NAALADL2: variants seen among roughly 807,000 people sequenced by gnomAD.
The protein encoded by NAALADL2 is N-acetylated alpha-linked acidic dipeptidase like 2.
In NAALADL2, 76 loss-of-function variants were observed where a neutral mutation model predicts 87.2. The ratio of observed to expected loss-of-function variants is 0.87; its 90% CI spans 0.72 to 1.05. The LOEUF (loss-of-function observed/expected upper bound fraction) is 1.05, where lower values mean the gene tolerates loss of function less well. NAALADL2 is among the 50% of genes least tolerant of loss of function. NAALADL2 has a pLI of 0.00. For missense variants in NAALADL2, 1,089 were observed against 945.8 expected (o/e 1.15, Z -1.99); for synonymous variants, 354 against 331.0 (o/e 1.07, Z -0.75).
chr3:175,509,719 G>A lies in NAALADL2; in HGVS notation c.1653+37961G>A, dbSNP rs184014372. ...TTCTCCTGCTGCTATAAGGACATGC[G>A]AGAGACTGGGTAATTTATAAGGGGA... On this transcript the variant is annotated intron_variant, in intron 9 of 13. Coordinates refer to ENST00000454872, the MANE Select transcript of NAALADL2 (RefSeq NM_207015.3). Among the ~76,000 whole-genome samples, 59 of 152,342 alleles carry A rather than the reference G, an allele frequency of 3.9e-4. No homozygotes were observed. The East Asian group carries it at 4.8e-3, about 12-fold the overall frequency.
At chr3:175,456,479 G>C (rs138759125) in intron 6 of NAALADL2, among the ~76,000 whole-genome samples, 1 of 150,618 alleles carries the variant, frequency 6.6e-6, no homozygotes, top group Non-Finnish European at 1.5e-5. Context: ...ACACACACAC[G>C]CAGCAATTTT....
intron 1 of NAALADL2, among the ~76,000 whole-genome samples, chr3:175,054,984 G>T (rs971284441): frequency 1.3e-5 from 2 of 152,138 alleles, no homozygotes; most frequent in African/African-American, 2.4e-5. Context: ...TACTTCGGGG[G>T]CTTTACCAAC....
At chr3:175,667,198 A>AGAAG (rs879750173) in intron 11 of NAALADL2, among the ~76,000 whole-genome samples, 60 of 111,202 alleles carry the variant, frequency 5.4e-4, no homozygotes, top group Non-Finnish European at 4.6e-4. Flanking sequence ...AAAGAAAGAA[A>AGAAG]GAAAGAAAGA....
intron 13 of NAALADL2, among the ~76,000 whole-genome samples, chr3:175,786,125 C>T (rs1397039583): frequency 6.6e-6 from 1 of 151,932 alleles, no homozygotes; most frequent in Non-Finnish European, 1.5e-5. Context: ...TCTCTGGCTG[C>T]CCTTAACATT....
intron 9 of NAALADL2, among the ~76,000 whole-genome samples, chr3:175,496,391 A>C (rs1016918965): frequency 1.3e-5 from 2 of 151,558 alleles, no homozygotes; most frequent in African/African-American, 4.9e-5. Context: ...TTAAAAAAAT[A>C]AATTTTCTCT....
chr3:175,737,385 A>C lies in NAALADL2; in HGVS notation c.1976A>C (p.Gln659Pro). The change falls in exon 12 of 14, where the codon CAA (glutamine) becomes CCA (proline). Residue 659 changes from glutamine (Q) to proline (P), a missense_variant. Transcript: ENST00000454872. Reference sequence around the variant, plus strand: ...GCACTTGATATAGCTTTAGAAGTTCAAAACAACCTTAAAGGTAATTTTCCT... The same window carrying C: ...GCACTTGATATAGCTTTAGAAGTTCCAAACAACCTTAAAGGTAATTTTCCT... ...FNALDIALEV[Q>P]NNLKGDQPNT... 6.2e-7 allele frequency: 1 copy of C among 1,600,536 alleles called. No homozygotes were observed. Among genetic ancestry groups the C allele is most frequent in the East Asian group, 2.2e-5 (1 of 44,748 alleles).
intron 1 of NAALADL2, among the ~76,000 whole-genome samples, chr3:175,027,380 C>T (rs1752339353): frequency 6.6e-6 from 1 of 152,010 alleles, no homozygotes; most frequent in Non-Finnish European, 1.5e-5. Flanking sequence ...ACCACATCTT[C>T]TCACAAATGT....
intron 1 of NAALADL2, among the ~76,000 whole-genome samples, chr3:174,487,032 T>C (rs1717899260): frequency 6.6e-6 from 1 of 151,952 alleles, no homozygotes; most frequent in Non-Finnish European, 1.5e-5. Flanking sequence ...TGCTAGGGAA[T>C]GGTAGATGTT....
chr3:174,892,404 A>G (rs1369397582), intron 1 of NAALADL2, among the ~76,000 whole-genome samples: 2 of 152,210 alleles, frequency 1.3e-5, no homozygotes, highest in Non-Finnish European at 1.5e-5. Context: ...TGAAGCAGCA[A>G]TTCTGAACCA....
intron 1 of NAALADL2, among the ~76,000 whole-genome samples, chr3:174,969,201 C>T (rs1433973701): frequency 6.6e-6 from 1 of 152,060 alleles, no homozygotes; most frequent in African/African-American, 2.4e-5. Context: ...CTAGTTCTCC[C>T]ATCCAGGAGA....
At chr3:174,653,960 A>T (rs941831981) in intron 2 of NAALADL2, among the ~76,000 whole-genome samples, 11 of 151,746 alleles carry the variant, frequency 7.2e-5, no homozygotes, top group African/African-American at 2.7e-4. Context: ...AATATTTTCT[A>T]CTCACTTATT....
At chr3:175,630,974 T>G (rs1044971300) in intron 11 of NAALADL2, among the ~76,000 whole-genome samples, 3 of 151,444 alleles carry the variant, frequency 2.0e-5, no homozygotes, top group Non-Finnish European at 3.0e-5. Context: ...TATTTTTTAT[T>G]TCTCCCAATA....
At chr3:175,307,100 A>C (rs1757814776) in intron 4 of NAALADL2, among the ~76,000 whole-genome samples, 2 of 152,154 alleles carry the variant, frequency 1.3e-5, no homozygotes, top group South Asian at 4.1e-4. Context: ...ATTTGTTTAA[A>C]ACCAGTATTC....
intron 3 of NAALADL2, among the ~76,000 whole-genome samples, chr3:174,788,380 C>T (rs755353398): frequency 7.7e-4 from 118 of 152,300 alleles, no homozygotes; most frequent in Non-Finnish European, 1.3e-3. Flanking sequence ...AAAAGCACTA[C>T]AGACAGGGTA....
intron 13 of NAALADL2, chr3:175,774,878 A>C (rs1356379696): frequency 6.6e-6 from 1 of 152,056 alleles, no homozygotes; most frequent in Non-Finnish European, 1.5e-5. Context: ...AAATGACTTC[A>C]TTGATTTCTT....
Position 175,604,925 on chromosome 3 carries a change from G to A in NAALADL2, c.1801-22366G>A, listed in dbSNP as rs559281620. On this transcript the variant is annotated intron_variant, in intron 10 of 13. Coordinates refer to ENST00000454872, the MANE Select transcript of NAALADL2 (RefSeq NM_207015.3). Reference sequence around the variant, plus strand: ...AGAGATTGGCAGTGAGGATATGGTGGCAGTGCTGATTAGCATGAGTCCTAT... The same window carrying A: ...AGAGATTGGCAGTGAGGATATGGTGACAGTGCTGATTAGCATGAGTCCTAT... Among the ~76,000 whole-genome samples the A allele has an allele frequency of 3.3e-5, 5 of 152,296 alleles. No individual in the cohort carries two copies. The South Asian group carries it at 8.3e-4, about 25-fold the overall frequency.
At chr3:175,412,929 T>TATTATTATTATTATTA (rs1560510672) in intron 5 of NAALADL2, among the ~76,000 whole-genome samples, 3 of 146,626 alleles carry the variant, frequency 2.0e-5, no homozygotes, top group Non-Finnish European at 3.0e-5. Context: ...TTATTATTAT[T>TATTATTATTATTATTA]TTTGAGACGG....
chr3:175,260,512 G>A (rs944618424), intron 4 of NAALADL2, among the ~76,000 whole-genome samples: 7 of 152,082 alleles, frequency 4.6e-5, no homozygotes, highest in Admixed American at 2.0e-4. Context: ...GCATGATTAC[G>A]GCCCAATTTG....
intron 9 of NAALADL2, among the ~76,000 whole-genome samples, chr3:175,572,950 A>G (rs1273234817): frequency 6.6e-6 from 1 of 152,174 alleles, no homozygotes; most frequent in South Asian, 2.1e-4. Flanking sequence ...CATTTGTGCA[A>G]TGTTAGAAAG....
Sources: allele counts gnomAD v4.1 joint callset (sites outside exome capture counted in the v4.1 genomes callset), GRCh38; gene constraint gnomAD v4.1.1; transcripts MANE v1.5; gene names NCBI Gene and HGNC (gene_info 2026-07-23, HGNC 2026-07-21).